CTNNA3: variants seen among roughly 807,000 people sequenced by gnomAD.
CTNNA3 encodes the protein catenin alpha-3.
In CTNNA3, 76 loss-of-function variants were observed where a neutral mutation model predicts 95.7. The ratio of observed to expected loss-of-function variants is 0.79; its 90% confidence interval spans 0.66 to 0.96. The LOEUF (loss-of-function observed/expected upper bound fraction) is 0.96. Ranked by LOEUF, CTNNA3 falls within the 40% of genes least tolerant of loss-of-function variation. CTNNA3 has a pLI of 0.00. For missense variants in CTNNA3, 1,191 were observed against 1,089.8 expected (o/e 1.09, Z -1.31); for synonymous variants, 431 against 374.4 (o/e 1.15, Z -1.74).
At chr10:67,031,037 T>G (rs1853694878) in intron 7 of CTNNA3, among the ~76,000 whole-genome samples, 1 of 152,096 alleles carries the variant, frequency 6.6e-6, no homozygotes, top group South Asian at 2.1e-4. Context: ...ATAACTTAGC[T>G]GTGTCACACA....
At chr10:67,016,062 A>G (rs1852639085) in intron 7 of CTNNA3, among the ~76,000 whole-genome samples, 1 of 151,814 alleles carries the variant, frequency 6.6e-6, no homozygotes, top group Non-Finnish European at 1.5e-5. Context: ...TCCTTTCTGA[A>G]CCCTATTTTT....
chr10:66,532,119 A>C (rs56363602), intron 10 of CTNNA3, among the ~76,000 whole-genome samples: 2,484 of 152,274 alleles, frequency 0.016, 50 homozygotes, highest in African/African-American at 0.046. Context: ...TAAGCTATTC[A>C]TTAATTGCCA....
intron 12 of CTNNA3, among the ~76,000 whole-genome samples, chr10:66,367,212 C>A (rs1027313268): frequency 1.3e-5 from 2 of 152,112 alleles, no homozygotes; most frequent in Non-Finnish European, 2.9e-5. Context: ...AATCTACACA[C>A]CCCTAAACAT....
chr10:67,125,309 T>C (rs1474924053), intron 7 of CTNNA3, among the ~76,000 whole-genome samples: 1 of 152,112 alleles, frequency 6.6e-6, no homozygotes, highest in Non-Finnish European at 1.5e-5. Flanking sequence ...GTGACCTGAG[T>C]GTGACTGTCA....
intron 12 of CTNNA3, among the ~76,000 whole-genome samples, chr10:66,329,288 T>C (rs995960098): frequency 1.3e-4 from 20 of 151,934 alleles, no homozygotes; most frequent in African/African-American, 3.6e-4. Flanking sequence ...CCTTTTGCTC[T>C]ATTCTGGGAC....
intron 7 of CTNNA3, among the ~76,000 whole-genome samples, chr10:66,940,623 T>C (rs1323604170): frequency 6.6e-6 from 1 of 152,224 alleles, no homozygotes; most frequent in Non-Finnish European, 1.5e-5. Flanking sequence ...CCACAAATTA[T>C]ATTTCCAGAG....
chr10:66,597,295 T>A (rs1238611249), intron 10 of CTNNA3, among the ~76,000 whole-genome samples: 1 of 151,272 alleles, frequency 6.6e-6, no homozygotes, highest in Non-Finnish European at 1.5e-5. Context: ...GGGAGTAAAA[T>A]GAACACCAGA....
chr10:66,360,804 CCTTCCTTCCTTCCTTT>C lies in CTNNA3; in HGVS notation c.1732+18332_1732+18347del, dbSNP rs1341050484. ...TTCTTTCTTCCTTCCTTCCTTCCTT[CCTTCCTTCCTTCCTTT>C]CTTTCTTTCTTTCTTTCTTTCTTTC... On this transcript the variant is annotated intron_variant, in intron 12 of 17. Transcript: ENST00000433211. Among the ~76,000 whole-genome samples, 9 of 69,814 alleles carry C rather than the reference CCTTCCTTCCTTCCTTT, an allele frequency of 1.3e-4. 1 individual carries two copies. The highest frequency in any genetic ancestry group is 5.1e-4 in the East Asian group (1 of 1,956). 45.8% of individuals were successfully genotyped at this position (69,814 alleles called of 152,430 possible).
At chr10:66,507,840 G>T (rs1840506333) in intron 11 of CTNNA3, among the ~76,000 whole-genome samples, 1 of 152,070 alleles carries the variant, frequency 6.6e-6, no homozygotes, top group Non-Finnish European at 1.5e-5. Flanking sequence ...TTGCTATGCT[G>T]ACTTCCTTTC....
At chr10:66,641,377 C>A (rs1459991636) in intron 9 of CTNNA3, among the ~76,000 whole-genome samples, 1 of 151,708 alleles carries the variant, frequency 6.6e-6, no homozygotes, top group East Asian at 1.9e-4. Flanking sequence ...TGTCTCAACC[C>A]ACATAATCTC....
chr10:66,569,809 G>T (rs1036058602), intron 10 of CTNNA3, among the ~76,000 whole-genome samples: 2 of 152,116 alleles, frequency 1.3e-5, no homozygotes, highest in African/African-American at 4.8e-5. Context: ...GATATTATGA[G>T]CAATATCAGG....
intron 9 of CTNNA3, among the ~76,000 whole-genome samples, chr10:66,659,498 T>C (rs1415404467): frequency 6.6e-6 from 1 of 152,180 alleles, no homozygotes; most frequent in Non-Finnish European, 1.5e-5. Flanking sequence ...AAAGACCTAT[T>C]GTGTACTTAC....
intron 5 of CTNNA3, among the ~76,000 whole-genome samples, chr10:67,499,216 T>C (rs1839147067): frequency 6.6e-6 from 1 of 152,182 alleles, no homozygotes. Flanking sequence ...GTTGGTTCTG[T>C]TTAGGTGATG....
chr10:66,802,643 G>A (rs1254653324), intron 7 of CTNNA3, among the ~76,000 whole-genome samples: 1 of 149,940 alleles, frequency 6.7e-6, no homozygotes, highest in South Asian at 2.1e-4. Context: ...ATGTGTCCAA[G>A]AATATTAAAA....
intron 14 of CTNNA3, among the ~76,000 whole-genome samples, chr10:66,087,782 C>G (rs2081046628): frequency 6.6e-6 from 1 of 152,124 alleles, no homozygotes; most frequent in Admixed American, 6.6e-5. Context: ...ACTTTGACAT[C>G]AATCCCACTG....
chr10:66,863,977 T>C (rs1177447610), intron 7 of CTNNA3, among the ~76,000 whole-genome samples: 1 of 152,192 alleles, frequency 6.6e-6, no homozygotes, highest in Admixed American at 6.6e-5. Flanking sequence ...TTTCTGTTTA[T>C]TTTGTGTCAA....
intron 9 of CTNNA3, among the ~76,000 whole-genome samples, chr10:66,651,557 G>C (rs1421469133): frequency 1.3e-5 from 2 of 151,882 alleles, no homozygotes; most frequent in African/African-American, 4.8e-5. Context: ...GGGGAGGGGG[G>C]TTGGGGGGCA....
intron 7 of CTNNA3, among the ~76,000 whole-genome samples, chr10:66,915,592 C>T (rs1846446683): frequency 6.6e-6 from 1 of 151,426 alleles, no homozygotes. Context: ...TGGTGAAGTA[C>T]TAGGTACATA....
intron 9 of CTNNA3, among the ~76,000 whole-genome samples, chr10:66,725,029 C>T (rs1298954690): frequency 8.5e-5 from 13 of 152,078 alleles, no homozygotes; most frequent in East Asian, 1.9e-4. Flanking sequence ...TATGCACATC[C>T]TCCTATTTAC....
Sources: gnomAD v4.1 joint callset for allele counts (sites outside exome capture counted in the v4.1 genomes callset) on GRCh38, gnomAD v4.1.1 for gene constraint, MANE v1.5 for transcripts, NCBI Gene and HGNC (gene_info 2026-07-23, HGNC 2026-07-21) for gene names.